Variants in SYNE2 observed in about 807,000 individuals in gnomAD.
SYNE2 encodes the protein spectrin repeat containing nuclear envelope protein 2.
In SYNE2, 431 loss-of-function variants were observed where a neutral mutation model predicts 856.3. That is an observed-to-expected ratio of 0.50 (90% CI 0.47 to 0.55). The LOEUF is 0.55. Among genes scored for constraint, SYNE2 ranks in the 20% least tolerant of loss-of-function variants. SYNE2 has a pLI of 0.00. For synonymous variants in SYNE2, 2,923 were observed against 2,872.3 expected (o/e 1.02, Z -0.56); for missense variants, 8,129 against 8,023.2 (o/e 1.01, Z -0.50).
chr14:63,830,169 G>A (rs1252390195), intron 1 of SYNE2, among the ~76,000 whole-genome samples: 1 of 151,884 alleles, frequency 6.6e-6, no homozygotes, highest in Admixed American at 6.6e-5. Flanking sequence ...GCAATGTCCA[G>A]ATTAGGGAAA....
At chr14:64,140,107 T>C (rs1005319177) in intron 80 of SYNE2, 34 bp downstream of exon 80, 3 of 1,595,576 alleles carry the variant, frequency 1.9e-6, no homozygotes, top group Non-Finnish European at 2.6e-6. Context: ...AGTTAATTAC[T>C]GGTCAGAAAT....
intron 1 of SYNE2, among the ~76,000 whole-genome samples, chr14:63,771,066 CT>C (rs770101693): frequency 0.028 from 3,305 of 116,194 alleles, 37 homozygotes; most frequent in African/African-American, 0.082. Context: ...CTTATACACT[CT>C]TTTTTTTTTT....
intron 43 of SYNE2, among the ~76,000 whole-genome samples, chr14:64,029,401 G>C (rs2097012853): frequency 6.6e-6 from 1 of 152,166 alleles, no homozygotes; most frequent in African/African-American, 2.4e-5. Context: ...GAAACTAAAG[G>C]TGGTTTTACT....
chr14:64,170,065 C>G (rs1156705080), intron 93 of SYNE2, among the ~76,000 whole-genome samples, 163 bp from the exon 94 acceptor site: 1 of 152,158 alleles, frequency 6.6e-6, no homozygotes, highest in Non-Finnish European at 1.5e-5. Flanking sequence ...TTCCCAAAGC[C>G]TTAATCATGT....
At chr14:63,812,317 G>T (rs1442600532) in intron 1 of SYNE2, among the ~76,000 whole-genome samples, 1 of 152,128 alleles carries the variant, frequency 6.6e-6, no homozygotes, top group East Asian at 1.9e-4. Flanking sequence ...GAAAAATATG[G>T]CTCTATTCTG....
At chr14:63,932,627 C>T (rs756713370) in intron 2 of SYNE2, among the ~76,000 whole-genome samples, 3 of 152,076 alleles carry the variant, frequency 2.0e-5, no homozygotes, top group Non-Finnish European at 4.4e-5. Context: ...TCACTTGAGC[C>T]GTGGAGTTCC....
intron 21 of SYNE2, among the ~76,000 whole-genome samples, chr14:63,991,558 C>T (rs1453360441): frequency 1.3e-5 from 2 of 152,062 alleles, no homozygotes; most frequent in African/African-American, 4.8e-5. Context: ...AAAAGTTATT[C>T]ATGGAAGCAT....
chr14:64,134,589 C>T (rs1022982309), intron 78 of SYNE2, among the ~76,000 whole-genome samples: 1 of 152,190 alleles, frequency 6.6e-6, no homozygotes, highest in Non-Finnish European at 1.5e-5. Flanking sequence ...AGCCTTCGGC[C>T]TCTAAACATA....
intron 1 of SYNE2, among the ~76,000 whole-genome samples, chr14:63,847,345 T>C (rs1379612597): frequency 6.6e-6 from 1 of 151,676 alleles, no homozygotes; most frequent in East Asian, 2.0e-4. Context: ...TAGTCCCAGC[T>C]ACTCAGGAGG....
chr14:63,920,427 C>T (rs755618035), intron 2 of SYNE2, among the ~76,000 whole-genome samples: 4 of 150,790 alleles, frequency 2.7e-5, no homozygotes, highest in East Asian at 1.9e-4. Context: ...GTACATTCAA[C>T]GAAATGGATG....
chr14:63,810,239 A>G (rs956289816), intron 1 of SYNE2, among the ~76,000 whole-genome samples: 81 of 151,034 alleles, frequency 5.4e-4, no homozygotes, highest in Admixed American at 1.1e-3. Context: ...AAAAAAAGAG[A>G]GAGAGAGAGA....
Position 64,174,963 on chromosome 14 carries a change from A to G in SYNE2, c.17255A>G (p.Gln5752Arg). Residue 5752 changes from glutamine to arginine, a missense_variant, in exon 95 of 116, where the codon CAA becomes CGA. By Grantham distance (43) the Gln-to-Arg change is conservative. This residue lies in a region of SYNE2 where 5,410 missense variants were observed against 5,284.8 expected (regional missense o/e 1.02). Transcript: ENST00000555002. ...HELKNKEIHF[Q>R]RRRTTCALTL... The stretch of plus-strand genomic sequence containing the variant: ...TCTTAGAATAAAGAAATTCATTTTC[A>G]AAGGAGGCGAACTACCTGTGCCCTA... 6.2e-7 allele frequency: 1 copy of G among 1,614,150 alleles called. No individual in the cohort carries two copies. The highest frequency in any genetic ancestry group is 1.1e-5 in the South Asian group (1 of 91,080).
intron 1 of SYNE2, among the ~76,000 whole-genome samples, chr14:63,778,246 G>A (rs543745873): frequency 2.8e-4 from 42 of 152,156 alleles, no homozygotes; most frequent in Middle Eastern, 3.4e-3. Context: ...CACCTGCCCC[G>A]TTGTAAGATG....
intron 73 of SYNE2, among the ~76,000 whole-genome samples, 158 bp downstream of exon 73, chr14:64,126,965 A>G (rs2097952356): frequency 6.6e-6 from 1 of 152,196 alleles, no homozygotes; most frequent in Non-Finnish European, 1.5e-5. Flanking sequence ...GATCATTTGA[A>G]AGTGAAGCCC....
At position 63,908,109 on chromosome 14, in the gene SYNE2, C is replaced by T. The variant is rs1217388201; in HGVS notation, c.-51-989C>T. Among the ~76,000 whole-genome samples the T allele has an allele frequency of 2.0e-5, 3 of 151,958 alleles. No individual in the cohort carries two copies. The South Asian group carries it at 6.2e-4, about 32-fold the overall frequency. On this transcript the variant is annotated intron_variant, in intron 1 of 115. Coordinates refer to ENST00000555002, the MANE Select transcript of SYNE2 (RefSeq NM_182914.3). ...CTGTTTAATATTTAATATGATTGAC[C>T]GTATCTAGCTGTTGGCCTCATACTT...
intron 104 of SYNE2, 30 bp downstream of exon 104, chr14:64,212,128 C>CA (rs775495959): frequency 6.2e-7 from 1 of 1,613,274 alleles, no homozygotes; most frequent in Non-Finnish European, 8.5e-7. Context: ...TAGCTCTTCT[C>CA]AAAAGAACAC....
chr14:63,966,392 GC>G (rs138883616), intron 10 of SYNE2, among the ~76,000 whole-genome samples: 1,847 of 152,064 alleles, frequency 0.012, 37 homozygotes, highest in African/African-American at 0.042. Context: ...ACGTGGTGGT[GC>G]ACTCCTGTAG....
chr14:64,160,536 A>T (rs1397287129), intron 87 of SYNE2, among the ~76,000 whole-genome samples: 3 of 152,218 alleles, frequency 2.0e-5, no homozygotes, highest in Non-Finnish European at 4.4e-5. Flanking sequence ...TGTTGTATTT[A>T]TAATTAGGGA....
At chr14:63,912,038 G>A (rs1595588163) in intron 2 of SYNE2, among the ~76,000 whole-genome samples, 1 of 152,182 alleles carries the variant, frequency 6.6e-6, no homozygotes, top group Middle Eastern at 3.4e-3. Context: ...GCTGTCTTAG[G>A]GGGACTGGTA....
Sources: allele counts gnomAD v4.1 joint callset (sites outside exome capture counted in the v4.1 genomes callset), GRCh38; gene constraint gnomAD v4.1.1; regional missense constraint gnomAD v4.1.1; transcripts MANE v1.5; gene names NCBI Gene and HGNC (gene_info 2026-07-23, HGNC 2026-07-21).